The following ZNF197 variants were observed in gnomAD, a reference collection of about 807,000 sequenced individuals.
The protein encoded by ZNF197 is VHL-associated KRAB-A domain-containing protein.
ZNF197 carries 14 observed loss-of-function variants against 27.4 expected under a neutral mutation model. That is an observed-to-expected ratio of 0.51 (90% CI 0.34 to 0.80). The LOEUF (loss-of-function observed/expected upper bound fraction) is 0.80. ZNF197 is among the 30% of genes least tolerant of loss of function. The pLI is 0.02. For missense variants in ZNF197, 1,090 were observed against 1,222.6 expected (o/e 0.89, Z 1.62); for synonymous variants, 415 against 420.0 (o/e 0.99, Z 0.15).
In ZNF197 at chr3:44,644,224, C is replaced by A; in HGVS notation, c.*4C>A. On this transcript the variant is annotated 3_prime_UTR_variant, in exon 6 of 6. Coordinates refer to ENST00000344387, the MANE Select transcript of ZNF197 (RefSeq NM_006991.5). Reference sequence around the variant, plus strand: ...GATTGAGATTCAGAAAATCTAGTGTCATATGTAAAATGGAATAGAATCCCT... The same window carrying A: ...GATTGAGATTCAGAAAATCTAGTGTAATATGTAAAATGGAATAGAATCCCT... 2 of 1,575,472 alleles carry A rather than the reference C, an allele frequency of 1.3e-6. No individual in the cohort carries two copies. The highest frequency in any genetic ancestry group is 2.2e-5 in the East Asian group (1 of 44,608).
At chr3:44,636,349 T>A (rs1486300259) in intron 5 of ZNF197, among the ~76,000 whole-genome samples, 1 of 151,524 alleles carries the variant, frequency 6.6e-6, no homozygotes, top group African/African-American at 2.4e-5. Flanking sequence ...AAAAGGAACC[T>A]TGAACCCTTC....
chr3:44,638,959 C>G (rs1485853134), intron 5 of ZNF197, among the ~76,000 whole-genome samples: 11 of 152,260 alleles, frequency 7.2e-5, no homozygotes, highest in Non-Finnish European at 4.4e-5. Flanking sequence ...AGCAATCCAC[C>G]TACCTTGGCT....
chr3:44,632,046 A>G, intron 3 of ZNF197, 59 bp from the exon 4 acceptor site: 1 of 1,457,654 alleles, frequency 6.9e-7, no homozygotes. Flanking sequence ...CAGCTCTGCA[A>G]GTGGGGTCAC....
chr3:44,645,544 G>A lies in ZNF197; in HGVS notation c.*1324G>A, dbSNP rs754520735. ...GCCAAGGAAAACAATTTATTTCCCAGCTTTTGAATTTGAAACTTAACAGAT... is the reference window on the plus strand; with the variant it reads ...GCCAAGGAAAACAATTTATTTCCCAACTTTTGAATTTGAAACTTAACAGAT... On this transcript the variant is annotated 3_prime_UTR_variant, in exon 6 of 6. Coordinates refer to ENST00000344387, the MANE Select transcript of ZNF197 (RefSeq NM_006991.5). 1.0e-4 allele frequency: 103 copies of A among 985,180 alleles called. No homozygotes were observed. The highest frequency in any genetic ancestry group is 1.2e-4 in the Non-Finnish European group (99 of 829,914). The allele number at this position is 985,180 out of a possible 1,614,324, so 61.0% of individuals were successfully genotyped here. A position where few individuals can be genotyped will look rare whatever the true frequency, so the allele number is the denominator to read the frequency against.
At chr3:44,628,247 G>A (rs928043682) in intron 1 of ZNF197, among the ~76,000 whole-genome samples, 10 of 152,080 alleles carry the variant, frequency 6.6e-5, no homozygotes, top group African/African-American at 1.9e-4. Context: ...ATTGTTTTCT[G>A]GTTTTGTGTG....
intron 2 of ZNF197, chr3:44,630,772 T>C (rs1183229822): frequency 3.7e-6 from 2 of 543,788 alleles, no homozygotes; most frequent in Non-Finnish European, 7.0e-6. Context: ...TGCTCTTAAT[T>C]ACTGCTTATT....
Position 44,636,304 on chromosome 3 carries a change from C to CAAA in ZNF197, c.769+3724_769+3726dup, listed in dbSNP as rs1304837972. On this transcript the variant is annotated intron_variant, in intron 5 of 5. Transcript: ENST00000344387. ...TGGGCGACAGAGCAAGACTCCGTCT[C>CAAA]AAAAAAAAAAAAAAAAAAAAATTTC... 4.8e-3 allele frequency among the ~76,000 whole-genome samples: 369 copies of CAAA among 77,188 alleles called. 1 individual carries two copies. Among genetic ancestry groups the CAAA allele is most frequent in the African/African-American group, 0.012 (256 of 21,218 alleles). 50.6% of individuals were successfully genotyped at this position (77,188 alleles called of 152,430 possible).
rs747739560 is a variant in ZNF197 at position 44,641,880 on chromosome 3, T to G, written c.770-20T>G. 9.0e-6 allele frequency: 14 copies of G among 1,553,454 alleles called. No individual in the cohort carries two copies. The highest frequency in any genetic ancestry group is 1.4e-5 in the African/African-American group (1 of 71,978). On this transcript the variant is annotated intron_variant, in intron 5 of 5. Coordinates refer to ENST00000344387, the MANE Select transcript of ZNF197 (RefSeq NM_006991.5). ...ACACAGGGACGTGGTAACATTTGCA[T>G]TTTTAATTCCTTTTACCAGAATGGG...
chr3:44,629,910 G>A (rs929519738), intron 2 of ZNF197, among the ~76,000 whole-genome samples: 4 of 152,190 alleles, frequency 2.6e-5, no homozygotes, highest in South Asian at 2.1e-4. Flanking sequence ...TTGGAATGGT[G>A]ATGTAAGCCT....
rs1220647888 is a variant in ZNF197 at position 44,645,989 on chromosome 3, T to G, written c.*1769T>G. Reference sequence around the variant, plus strand: ...ATAATACCTGAATATGAAGATTGTGTTTTTTAATAATGTCAAAGTGGTGTG... The same window carrying G: ...ATAATACCTGAATATGAAGATTGTGGTTTTTAATAATGTCAAAGTGGTGTG... On this transcript the variant is annotated 3_prime_UTR_variant, in exon 6 of 6. Transcript: ENST00000344387. The G allele has an allele frequency of 4.1e-6, 4 of 985,308 alleles. No homozygotes were observed. In the African/African-American group the frequency reaches 7.0e-5, roughly 17 times the overall value. The allele number at this position is 985,308 out of a possible 1,614,324, so 61.0% of individuals were successfully genotyped here.
Position 44,642,174 on chromosome 3 carries a change from A to G in ZNF197, c.1044A>G (p.Gly348=), listed in dbSNP as rs1432646809. 6.2e-7 allele frequency: 1 copy of G among 1,614,196 alleles called. No individual in the cohort carries two copies. Among genetic ancestry groups the G allele is most frequent in the East Asian group, 2.2e-5 (1 of 44,876 alleles). ...AAGGCCAAAAGTGGAAGGAATTAGG[A>G]GACAGCTTGACTTTCGGTTCAGCTA... ...EKQGQKWKEL[G]DSLTFGSAIS... is the part of the protein sequence containing the mutation. The change falls in exon 6 of 6, where the codon GGA becomes GGG. Residue 348 remains glycine, a synonymous_variant. Transcript: ENST00000344387.
chr3:44,642,055 C>T lies in ZNF197; in HGVS notation c.925C>T (p.Gln309Ter), dbSNP rs767188547. The change falls in exon 6 of 6, where the codon CAG becomes TAG. Residue 309 changes from glutamine (Q) to a stop codon, truncating the protein, a stop_gained. Coordinates refer to ENST00000344387, the MANE Select transcript of ZNF197 (RefSeq NM_006991.5). LOFTEE classifies it low-confidence loss of function (END_TRUNC). ...GTGTGAATGGCAAGTTTTGGCAAGTCAGTGGGGAAATGAAACAGATGAAAG... is the reference window on the plus strand; with the variant it reads ...GTGTGAATGGCAAGTTTTGGCAAGTTAGTGGGGAAATGAAACAGATGAAAG... ...EECEWQVLAS[Q>*]WGNETDERAD... 10 of 1,614,052 alleles carry T rather than the reference C, an allele frequency of 6.2e-6. No homozygotes were observed. The highest frequency in any genetic ancestry group is 5.9e-6 in the Non-Finnish European group (7 of 1,179,974).
At chr3:44,633,071 C>T (rs1207856472) in intron 5 of ZNF197, among the ~76,000 whole-genome samples, 1 of 152,152 alleles carries the variant, frequency 6.6e-6, no homozygotes, top group African/African-American at 2.4e-5. Context: ...CTTTGAGGCT[C>T]TTGCTTCATA....
In ZNF197 at chr3:44,644,054, T is replaced by C. The variant is rs767911828; in HGVS notation, c.2924T>C (p.Val975Ala). The C allele has an allele frequency of 2.5e-6, 4 of 1,614,124 alleles. No individual in the cohort carries two copies. In the South Asian group the frequency reaches 4.4e-5, roughly 18 times the overall value. ...KVFRQRKNLT[V>A]HQKIHTDEKP... The stretch of plus-strand genomic sequence containing the variant: ...TTTAGGCAAAGAAAAAACCTTACTG[T>C]ACATCAGAAAATCCACACAGATGAA... The change falls in exon 6 of 6, where the codon GTA becomes GCA. Residue 975 changes from valine (V) to alanine (A), a missense_variant. Val to Ala is a moderately conservative substitution (Grantham distance 64). Coordinates refer to ENST00000344387, the MANE Select transcript of ZNF197 (RefSeq NM_006991.5).
In ZNF197 at chr3:44,642,638, T is replaced by C. The variant is rs1327945352; in HGVS notation, c.1508T>C (p.Leu503Pro). The change falls in exon 6 of 6, where the codon CTC (leucine) becomes CCC (proline). Residue 503 changes from leucine (L) to proline (P), a missense_variant. Transcript: ENST00000344387. The part of the protein sequence containing the change: ...QNAYLIDHQR[L>P]HKGEEPYKCN... ...GCTTACCTCATTGACCATCAGAGGC[T>C]CCACAAAGGGGAAGAACCTTATAAA... 1.2e-6 allele frequency: 2 copies of C among 1,613,912 alleles called. No homozygotes were observed. The highest frequency in any genetic ancestry group is 1.7e-6 in the Non-Finnish European group (2 of 1,180,026).
chr3:44,630,810 C>T (rs773324060), intron 2 of ZNF197: 3 of 639,890 alleles, frequency 4.7e-6, no homozygotes, highest in Non-Finnish European at 5.8e-6. Context: ...TAACCCACAC[C>T]CAGGTCTGGC....
chr3:44,642,206 A>C lies in ZNF197; in HGVS notation c.1076A>C (p.Glu359Ala). Residue 359 changes from glutamate (E) to alanine (A), a missense_variant, in exon 6 of 6, where the codon GAA becomes GCA. By Grantham distance (107) the Glu-to-Ala change is moderately radical (BLOSUM62 -1). Transcript: ENST00000344387. ...DSLTFGSAIS[E>A]SLIGTEGKKF... The stretch of plus-strand genomic sequence containing the variant: ...TTGACTTTCGGTTCAGCTATTTCTG[A>C]AAGTTTAATAGGTACTGAAGGAAAG... 1 of 1,614,186 alleles carries C rather than the reference A, an allele frequency of 6.2e-7. No individual in the cohort carries two copies. Among genetic ancestry groups the C allele is most frequent in the Non-Finnish European group, 8.5e-7 (1 of 1,180,012 alleles).
In ZNF197 at chr3:44,647,598, C is replaced by G. The variant is rs939786325; in HGVS notation, c.*3378C>G. ...AAACAAATTGTGGTTTATGTATTAC[C>G]ATGGAATACTTGTTACTCTGCAATA... On this transcript the variant is annotated 3_prime_UTR_variant, in exon 6 of 6. Transcript: ENST00000344387. 6.6e-6 allele frequency: 1 copy of G among 152,098 alleles called. No individual in the cohort carries two copies. The highest frequency in any genetic ancestry group is 1.5e-5 in the Non-Finnish European group (1 of 68,026). The allele number at this position is 152,098 out of a possible 1,614,324, so 9.4% of individuals were successfully genotyped here.
At position 44,642,487 on chromosome 3, in the gene ZNF197, C is replaced by T; in HGVS notation, c.1357C>T (p.Pro453Ser). 1 of 1,613,996 alleles carries T rather than the reference C, an allele frequency of 6.2e-7. No individual in the cohort carries two copies. The highest frequency in any genetic ancestry group is 8.5e-7 in the Non-Finnish European group (1 of 1,179,978). ...TCAGAGGATCCACACTGGGGAGAAA[C>T]CTTATAAGTGTAAGGAGTGTGGAAA... Reference protein sequence around the residue: ...NHQRIHTGEKPYKCKECGKGF... With the variant: ...NHQRIHTGEKSYKCKECGKGF... The change falls in exon 6 of 6, where the codon CCT (proline) becomes TCT (serine). Residue 453 changes from proline to serine, a missense_variant. Pro to Ser is a moderately conservative substitution (Grantham distance 74, BLOSUM62 -1). Transcript: ENST00000344387.
Sources: gnomAD v4.1 joint callset for allele counts (sites outside exome capture counted in the v4.1 genomes callset) on GRCh38, gnomAD v4.1.1 for gene constraint, MANE v1.5 for transcripts, NCBI Gene and HGNC (gene_info 2026-07-23, HGNC 2026-07-21) for gene names.